TAOK2: variants seen among roughly 807,000 people sequenced by gnomAD.
TAOK2 encodes the protein serine/threonine-protein kinase TAO2.
TAOK2 carries 42 observed loss-of-function variants against 122.5 expected under a neutral mutation model. The observed-to-expected ratio is 0.34, with a 90% CI of 0.27 to 0.44. The LOEUF (loss-of-function observed/expected upper bound fraction) is 0.44. Ranked by LOEUF, TAOK2 falls within the 20% of genes least tolerant of loss-of-function variation. The pLI is 1.00. For missense variants in TAOK2, 1,264 were observed against 1,644.9 expected (o/e 0.77, Z 4.01); for synonymous variants, 704 against 677.6 (o/e 1.04, Z -0.61).
intron 10 of TAOK2, among the ~76,000 whole-genome samples, chr16:29,982,491 G>A (rs1025949603): frequency 2.6e-5 from 4 of 152,218 alleles, no homozygotes; most frequent in African/African-American, 9.6e-5. Context: ...GGAGCTGGAC[G>A]AGAATCCAGT....
At chr16:29,989,322 C>A, downstream of TAOK2, 1 of 985,282 alleles carries the variant, frequency 1.0e-6, no homozygotes, top group Non-Finnish European at 1.2e-6. Context: ...AACCTCTTGT[C>A]TTCTCTGCAT....
Position 29,974,545 on chromosome 16 carries a change from T to A in TAOK2, c.-139T>A, listed in dbSNP as rs2069394790. Reference sequence around the variant, plus strand: ...GGAAGGGCGAAAGCCGAGGAAGAGGTGGCAAGGGGAAAGGTCTCCTTGCCC... The same window carrying A: ...GGAAGGGCGAAAGCCGAGGAAGAGGAGGCAAGGGGAAAGGTCTCCTTGCCC... On this transcript the variant is annotated 5_prime_UTR_variant, in exon 1 of 16. Coordinates refer to ENST00000308893, the MANE Select transcript of TAOK2 (RefSeq NM_016151.4). 1 of 152,290 alleles carries A rather than the reference T, an allele frequency of 6.6e-6. No homozygotes were observed. Among genetic ancestry groups the A allele is most frequent in the Admixed American group, 6.6e-5 (1 of 15,260 alleles). 9.4% of individuals were successfully genotyped at this position (152,290 alleles called of 1,614,324 possible).
At position 29,987,531 on chromosome 16, in the gene TAOK2, C is replaced by G. The variant is rs1031649698; in HGVS notation, c.3259C>G (p.Arg1087Gly). Residue 1087 changes from arginine (R) to glycine (G), a missense_variant, in exon 16 of 16, where the codon CGG becomes GGG. Coordinates refer to ENST00000308893, the MANE Select transcript of TAOK2 (RefSeq NM_016151.4). ...CCGGGGCATATCTCGACTCTGGTTG[C>G]GGGTTCTGCTGCGCCTGTCACCCAT... ...VRRGISRLWLRVLLRLSPMAF... is the reference protein window; with the variant it reads ...VRRGISRLWLGVLLRLSPMAF... 5.6e-6 allele frequency: 9 copies of G among 1,610,794 alleles called. No homozygotes were observed. Among genetic ancestry groups the G allele is most frequent in the Admixed American group, 1.7e-5 (1 of 59,640 alleles).
Position 29,988,251 on chromosome 16 carries a change from T to G in TAOK2, c.*271T>G. On this transcript the variant is annotated 3_prime_UTR_variant, in exon 16 of 16. Coordinates refer to ENST00000308893, the MANE Select transcript of TAOK2 (RefSeq NM_016151.4). ...ATCCTCACCCTCATTGACTCAGGCCTGGGGCCAGGGGTGGTGGAGGGTGGG... is the reference window on the plus strand; with the variant it reads ...ATCCTCACCCTCATTGACTCAGGCCGGGGGCCAGGGGTGGTGGAGGGTGGG... 6.9e-7 allele frequency: 1 copy of G among 1,456,594 alleles called. No individual in the cohort carries two copies. 90.2% of individuals were successfully genotyped at this position (1,456,594 alleles called of 1,614,324 possible).
At chr16:29,982,195 C>G (rs1335452098) in intron 10 of TAOK2, among the ~76,000 whole-genome samples, 1 of 152,194 alleles carries the variant, frequency 6.6e-6, no homozygotes, top group East Asian at 1.9e-4. Flanking sequence ...GCCAGAGCTT[C>G]TGGTCAGCAT....
downstream of TAOK2, chr16:29,990,726 G>A: frequency 1.3e-6 from 2 of 1,533,324 alleles, no homozygotes; most frequent in Non-Finnish European, 1.8e-6. Context: ...CCTGGGGCAG[G>A]GGAGGATAGT....
chr16:29,978,605 G>T (rs2069527403), intron 4 of TAOK2, among the ~76,000 whole-genome samples, 194 bp from the exon 5 acceptor site: 1 of 152,094 alleles, frequency 6.6e-6, no homozygotes, highest in Admixed American at 6.5e-5. Context: ...AGTTTGAAGG[G>T]ATTCAGATGG....
Position 29,987,524 on chromosome 16 carries a change from C to T in TAOK2, c.3252C>T (p.Leu1084=). 1.2e-6 allele frequency: 2 copies of T among 1,610,204 alleles called. No individual in the cohort carries two copies. The highest frequency in any genetic ancestry group is 2.2e-5 in the South Asian group (2 of 90,690). The change falls in exon 16 of 16, where the codon CTC becomes CTT. Residue 1084 remains leucine, a synonymous_variant. Transcript: ENST00000308893. ...GGGTGCGCCGGGGCATATCTCGACT[C>T]TGGTTGCGGGTTCTGCTGCGCCTGT... ...GPRVRRGISR[L]WLRVLLRLSP...
rs1296704917 is a variant in TAOK2, at chr16:29,983,334, TAC to T, written c.1260+6_1260+7del. ...AGCTCCATTATCCACCGGCTGCCGG[TAC>T]ACAGCTCACCCTTGGGGGACCCGAG... On this transcript the variant is annotated splice_donor_region_variant and intron_variant, in intron 12 of 15. Transcript: ENST00000308893. The T allele has an allele frequency of 6.3e-7, 1 of 1,593,332 alleles. No homozygotes were observed. Among genetic ancestry groups the T allele is most frequent in the East Asian group, 2.2e-5 (1 of 44,794 alleles).
At chr16:29,991,013 C>T (rs544738531), downstream of TAOK2, 3 of 1,585,898 alleles carry the variant, frequency 1.9e-6, no homozygotes, top group Non-Finnish European at 1.7e-6. The surrounding 1 kb of genome is among the most constrained non-coding windows in gnomAD (Gnocchi z 5.6). Flanking sequence ...TGGGCTCCTG[C>T]CCCCGACTCT....
chr16:29,987,866 A>G lies in TAOK2; in HGVS notation c.3594A>G (p.Leu1198=), dbSNP rs376456288. The G allele has an allele frequency of 2.5e-6, 4 of 1,607,508 alleles. No individual in the cohort carries two copies. Among genetic ancestry groups the G allele is most frequent in the Non-Finnish European group, 3.4e-6 (4 of 1,178,718 alleles). Residue 1198 remains leucine (L), a synonymous_variant, in exon 16 of 16, where the codon CTA becomes CTG. Coordinates refer to ENST00000308893, the MANE Select transcript of TAOK2 (RefSeq NM_016151.4). ...GERPTRIPRL[L]PRSQRQLGPP... Reference sequence around the variant, plus strand: ...GGCCCACCCGAATCCCCCGGCTACTACCACGCAGCCAGCGCCAGCTAGGGC... The same window carrying G: ...GGCCCACCCGAATCCCCCGGCTACTGCCACGCAGCCAGCGCCAGCTAGGGC...
At chr16:29,984,036 G>A (rs1400409153) in intron 13 of TAOK2, among the ~76,000 whole-genome samples, 1 of 152,154 alleles carries the variant, frequency 6.6e-6, no homozygotes, top group African/African-American at 2.4e-5. Flanking sequence ...TGCTGGGGGT[G>A]TCCAGTGCTG....
chr16:29,981,483 G>T (rs1249954863), intron 8 of TAOK2, 178 bp from the exon 9 acceptor site: 4 of 681,628 alleles, frequency 5.9e-6, no homozygotes, highest in African/African-American at 1.8e-5. Flanking sequence ...GAGGATGGGT[G>T]TTGTATTTTA....
rs992957497 is a variant in TAOK2, at chr16:29,973,903, G to T, written c.-781G>T. On this transcript the variant is annotated 5_prime_UTR_variant, in exon 1 of 16. Transcript: ENST00000308893. ...GAATTGGGAGGAAGAGGGAGAGGGA[G>T]ACCGGGACGAGACCGGGGCTGTGGT... 6.6e-6 allele frequency: 1 copy of T among 152,572 alleles called. No individual in the cohort carries two copies. Among genetic ancestry groups the T allele is most frequent in the Non-Finnish European group, 1.5e-5 (1 of 68,240 alleles). 9.5% of individuals were successfully genotyped at this position (152,572 alleles called of 1,614,324 possible). A position where few individuals can be genotyped will look rare whatever the true frequency, so the allele number is the denominator to read the frequency against.
At chr16:29,984,528 C>G (rs574967636) in intron 13 of TAOK2, among the ~76,000 whole-genome samples, 1 of 152,192 alleles carries the variant, frequency 6.6e-6, no homozygotes, top group South Asian at 2.1e-4. Context: ...GGTTGTGTTC[C>G]AACAATTCTT....
chr16:29,981,535 C>A, intron 8 of TAOK2, 126 bp from the exon 9 acceptor site: 1 of 829,904 alleles, frequency 1.2e-6, no homozygotes, highest in Non-Finnish European at 2.1e-6. Context: ...ATGATGGGAA[C>A]TTCTCAAGGT....
Position 29,979,436 on chromosome 16 carries a change from C to T in TAOK2, c.583C>T (p.Leu195=). 1.3e-6 allele frequency: 2 copies of T among 1,586,144 alleles called. No individual in the cohort carries two copies. Among genetic ancestry groups the T allele is most frequent in the Non-Finnish European group, 1.7e-6 (2 of 1,163,980 alleles). Reference sequence around the variant, plus strand: ...TCCTAGGATGGCACCCGAGGTGATCCTGGCCATGGATGAGGGGCAGTACGA... The same window carrying T: ...TCCTAGGATGGCACCCGAGGTGATCTTGGCCATGGATGAGGGGCAGTACGA... ...TPYWMAPEVI[L]AMDEGQYDGK... is the part of the protein sequence containing the mutation. Residue 195 remains leucine, a synonymous_variant, in exon 8 of 16, where the codon CTG becomes TTG. Transcript: ENST00000308893. The surrounding 1 kb of genome is among the most constrained non-coding windows in gnomAD (Gnocchi z 4.1).
rs2069672291 is a variant in TAOK2, at chr16:29,983,209, A to G, written c.1137A>G (p.Glu379=). 1 of 1,613,062 alleles carries G rather than the reference A, an allele frequency of 6.2e-7. No individual in the cohort carries two copies. The highest frequency in any genetic ancestry group is 8.5e-7 in the Non-Finnish European group (1 of 1,179,574). ...NSLADASDNE[E]EEEEEEEEEE... ...TAGCAGATGCCTCAGACAACGAGGA[A>G]GAGGAGGAGGAGGAGGAGGAAGAGG... is the stretch of plus-strand genomic sequence containing the variant. The change falls in exon 12 of 16, where the codon GAA becomes GAG. Residue 379 remains glutamate, a synonymous_variant. Transcript: ENST00000308893.
chr16:29,987,251 G>T lies in TAOK2; in HGVS notation c.2979G>T (p.Glu993Asp), dbSNP rs1490036487. The change falls in exon 16 of 16, where the codon GAG (glutamate) becomes GAT (aspartate). Residue 993 changes from glutamate to aspartate, a missense_variant. Transcript: ENST00000308893. ...GGLQAALLALEVGLVGLGASY... is the reference protein window; with the variant it reads ...GGLQAALLALDVGLVGLGASY... ...TGCAGGCAGCGCTGCTGGCCCTTGA[G>T]GTGGGGCTGGTGGGTCTGGGGGCCT... 6.5e-7 allele frequency: 1 copy of T among 1,530,632 alleles called. No individual in the cohort carries two copies. The highest frequency in any genetic ancestry group is 8.7e-7 in the Non-Finnish European group (1 of 1,144,152). The allele number at this position is 1,530,632 out of a possible 1,614,324, so 94.8% of individuals were successfully genotyped here. A position where few individuals can be genotyped will look rare whatever the true frequency, so the allele number is the denominator to read the frequency against.
Sources: allele counts gnomAD v4.1 joint callset (sites outside exome capture counted in the v4.1 genomes callset), GRCh38; gene constraint gnomAD v4.1.1; non-coding constraint Gnocchi (gnomAD v3.1); transcripts MANE v1.5; gene names NCBI Gene and HGNC (gene_info 2026-07-23, HGNC 2026-07-21).